Variants in CGAS observed in about 807,000 individuals in gnomAD.
The protein encoded by CGAS is 2'3'-cGAMP synthase.
Under a neutral mutation model 34.0 loss-of-function variants are expected in CGAS, and 31 were observed. The observed-to-expected ratio is 0.91, with a 90% CI of 0.69 to 1.23. CGAS has a LOEUF of 1.23. CGAS is among the 50% of genes most tolerant of loss of function. The pLI, the probability that CGAS is intolerant of heterozygous loss-of-function variation, is 0.00. For synonymous variants in CGAS, 266 were observed against 260.0 expected (o/e 1.02, Z -0.22); for missense variants, 597 against 657.6 (o/e 0.91, Z 1.01).
In CGAS at chr6:73,429,763, T is replaced by C. The variant is rs577526750; in HGVS notation, c.1115-952A>G. On this transcript the variant is annotated intron_variant, in intron 3 of 4. Coordinates refer to ENST00000370315, the MANE Select transcript of CGAS (RefSeq NM_138441.3). ...ATGGCGCGAACCCGGGAGGTGGAGC[T>C]TGCAGTGAGCGGAGATCGCGCCACT... 2.2e-4 allele frequency among the ~76,000 whole-genome samples: 33 copies of C among 152,036 alleles called. No individual in the cohort carries two copies. The South Asian group carries it at 5.2e-3, about 24-fold the overall frequency.
At chr6:73,432,167 A>G (rs1010085929) in intron 3 of CGAS, among the ~76,000 whole-genome samples, 2 of 150,696 alleles carry the variant, frequency 1.3e-5, no homozygotes, top group African/African-American at 4.9e-5. Context: ...ATTTTTATTT[A>G]TTTTTATTTT....
intron 3 of CGAS, among the ~76,000 whole-genome samples, chr6:73,431,124 A>C (rs1247157863): frequency 6.6e-6 from 1 of 151,358 alleles, no homozygotes; most frequent in Non-Finnish European, 1.5e-5. Context: ...CAAAAACAAA[A>C]AACAAACAAA....
Position 73,450,989 on chromosome 6 carries a change from C to CAA in CGAS, c.657+534_657+535dup, listed in dbSNP as rs386407555. Among the ~76,000 whole-genome samples the CAA allele has an allele frequency of 3.7e-3, 277 of 75,788 alleles. 3 individuals carry two copies. The highest frequency in any genetic ancestry group is 9.5e-3 in the East Asian group (35 of 3,684). 49.7% of individuals were successfully genotyped at this position (75,788 alleles called of 152,430 possible). On this transcript the variant is annotated intron_variant, in intron 1 of 4. Coordinates refer to ENST00000370315, the MANE Select transcript of CGAS (RefSeq NM_138441.3). ...TGGGGGACGCAGCGAGACTCCGCCT[C>CAA]AAAAAAAAAAAAAAAGAAAAGAAAA...
chr6:73,440,003 C>T (rs1770348231), intron 3 of CGAS: 1 of 501,712 alleles, frequency 2.0e-6, no homozygotes, highest in East Asian at 3.3e-5. Flanking sequence ...GATTGCTAGA[C>T]ATTTTAAAGC....
intron 1 of CGAS, among the ~76,000 whole-genome samples, chr6:73,450,143 G>A (rs1770539267): frequency 6.6e-6 from 1 of 151,886 alleles, no homozygotes; most frequent in African/African-American, 2.4e-5. Context: ...GAAGCCGGGT[G>A]TGGTGGCTCA....
chr6:73,449,075 C>T (rs922344528), intron 1 of CGAS, among the ~76,000 whole-genome samples: 2 of 149,340 alleles, frequency 1.3e-5, no homozygotes, highest in African/African-American at 4.9e-5. Context: ...GGTGACAGAG[C>T]AAGACTCCAT....
At chr6:73,440,613 C>T (rs1357148697) in intron 2 of CGAS, among the ~76,000 whole-genome samples, 168 bp from the exon 3 acceptor site, 1 of 151,866 alleles carries the variant, frequency 6.6e-6, no homozygotes, top group Non-Finnish European at 1.5e-5. Flanking sequence ...TTTACTAAAC[C>T]AATATTGGCT....
chr6:73,447,908 G>T (rs1351234301), intron 1 of CGAS, among the ~76,000 whole-genome samples: 1 of 152,074 alleles, frequency 6.6e-6, no homozygotes. Context: ...AGCCAATCAA[G>T]TCATCTACAC....
chr6:73,445,256 C>A (rs1185999327), intron 2 of CGAS, among the ~76,000 whole-genome samples: 1 of 151,492 alleles, frequency 6.6e-6, no homozygotes, highest in African/African-American at 2.4e-5. Flanking sequence ...TTAATTTAAT[C>A]AATATTCATT....
intron 3 of CGAS, 184 bp downstream of exon 3, chr6:73,440,025 T>C: frequency 5.3e-6 from 3 of 566,752 alleles, no homozygotes; most frequent in East Asian, 2.9e-5. Flanking sequence ...GAGTATTTGA[T>C]ATTAATACTA....
chr6:73,441,082 C>CTT (rs570875136), intron 2 of CGAS, among the ~76,000 whole-genome samples: 38 of 136,244 alleles, frequency 2.8e-4, no homozygotes, highest in African/African-American at 7.8e-4. Context: ...TTTTCTTTTT[C>CTT]TTTTTTTTTT....
intron 1 of CGAS, among the ~76,000 whole-genome samples, chr6:73,447,490 A>C (rs931505307): frequency 3.3e-5 from 5 of 152,084 alleles, no homozygotes; most frequent in Admixed American, 3.3e-4. Context: ...TGCCATGTTG[A>C]CCAGGCTGGT....
chr6:73,427,889 T>TTGATG (rs1770115817), intron 4 of CGAS, among the ~76,000 whole-genome samples: 1 of 151,990 alleles, frequency 6.6e-6, no homozygotes. Context: ...CATGGCTCAC[T>TTGATG]GCAGCCTTGA....
intron 1 of CGAS, among the ~76,000 whole-genome samples, chr6:73,447,060 A>T (rs1770485191): frequency 6.6e-6 from 1 of 152,252 alleles, no homozygotes; most frequent in African/African-American, 2.4e-5. Flanking sequence ...CGTCTCAAAA[A>T]ATAAATGAAT....
At chr6:73,433,337 C>T (rs1200496276) in intron 3 of CGAS, among the ~76,000 whole-genome samples, 2 of 151,718 alleles carry the variant, frequency 1.3e-5, no homozygotes, top group African/African-American at 4.8e-5. Context: ...TCATAGCTCA[C>T]TGTAACCTCG....
chr6:73,451,452 C>G, intron 1 of CGAS, 73 bp downstream of exon 1: 1 of 1,449,128 alleles, frequency 6.9e-7, no homozygotes, highest in Admixed American at 2.6e-5. Context: ...GGGCGCGACC[C>G]GGGGAAGGTA....
At chr6:73,427,129 C>T (rs1351292516) in intron 4 of CGAS, among the ~76,000 whole-genome samples, 1 of 151,676 alleles carries the variant, frequency 6.6e-6, no homozygotes, top group African/African-American at 2.4e-5. Context: ...GGATTACAGG[C>T]GTGAGCCACT....
rs1163198269 is a variant in CGAS, at chr6:73,426,288, AAATAAAATAAAATAAAATAAAAT to A, written c.1218-733_1218-711del. Among the ~76,000 whole-genome samples, 34 of 147,894 alleles carry A rather than the reference AAATAAAATAAAATAAAATAAAAT, an allele frequency of 2.3e-4. No homozygotes were observed. The East Asian group carries it at 6.0e-3, about 26-fold the overall frequency. On this transcript the variant is annotated intron_variant, in intron 4 of 4. Transcript: ENST00000370315. ...ACAAGTGAGACTCCATCTCAAAATA[AAATAAAATAAAATAAAATAAAAT>A]AATAAAATAAAATGAAATAAATGAA...
Position 73,451,571 on chromosome 6 carries a change from C to T in CGAS, c.611G>A (p.Arg204Lys). The T allele has an allele frequency of 6.2e-7, 1 of 1,610,132 alleles. No individual in the cohort carries two copies. The change falls in exon 1 of 5, where the codon AGA becomes AAA. Residue 204 changes from arginine to lysine, a missense_variant. This residue lies in a region of CGAS where 321 missense variants were observed against 314.3 expected (regional missense o/e 1.02). Transcript: ENST00000370315. The part of the protein sequence containing the change: ...LLRLKCDSAF[R>K]GVGLLNTGSY... Reference sequence around the variant, plus strand: ...CCCGGTGTTCAGCAGCCCGACGCCTCTGAACGCGGAGTCGCACTTCAGTCT... The same window carrying T: ...CCCGGTGTTCAGCAGCCCGACGCCTTTGAACGCGGAGTCGCACTTCAGTCT...
Sources: allele counts gnomAD v4.1 joint callset (sites outside exome capture counted in the v4.1 genomes callset), GRCh38; gene constraint gnomAD v4.1.1; regional missense constraint gnomAD v4.1.1; transcripts MANE v1.5; gene names NCBI Gene and HGNC (gene_info 2026-07-23, HGNC 2026-07-21).